The following AGBL4 variants were observed in gnomAD, a reference collection of about 807,000 sequenced individuals.
The protein encoded by AGBL4 is AGBL carboxypeptidase 4, also known as cytosolic carboxypeptidase 6.
A neutral mutation model predicts 66.4 loss-of-function variants in AGBL4; 58 were observed. That is an observed-to-expected ratio of 0.87 (90% CI 0.71 to 1.09). The LOEUF is 1.09. AGBL4 is among the 50% of genes least tolerant of loss of function. The pLI is 0.00. For synonymous variants in AGBL4, 234 were observed against 222.9 expected (o/e 1.05, Z -0.44); for missense variants, 579 against 631.0 (o/e 0.92, Z 0.88).
intron 4 of AGBL4, among the ~76,000 whole-genome samples, chr1:49,069,012 G>C (rs2147930012): frequency 6.6e-6 from 1 of 152,176 alleles, no homozygotes; most frequent in East Asian, 1.9e-4. Flanking sequence ...TGTTTCTGTT[G>C]GCTGCATAAA....
At chr1:49,474,684 T>C (rs1432191614) in intron 3 of AGBL4, among the ~76,000 whole-genome samples, 2 of 152,016 alleles carry the variant, frequency 1.3e-5, no homozygotes, top group Non-Finnish European at 2.9e-5. Flanking sequence ...AAAATAGCTC[T>C]AGGGATATTT....
chr1:49,809,064 G>A (rs1460070046), intron 2 of AGBL4, among the ~76,000 whole-genome samples: 1 of 152,138 alleles, frequency 6.6e-6, no homozygotes, highest in Non-Finnish European at 1.5e-5. Flanking sequence ...GGAGTTATGT[G>A]CTACCAATTG....
chr1:49,275,096 A>G (rs111385607), intron 3 of AGBL4, among the ~76,000 whole-genome samples: 1 of 152,188 alleles, frequency 6.6e-6, no homozygotes, highest in African/African-American at 2.4e-5. Flanking sequence ...TTGTCACAGG[A>G]CATAATTAAT....
intron 3 of AGBL4, among the ~76,000 whole-genome samples, chr1:49,369,717 G>T (rs544315129): frequency 6.6e-6 from 1 of 151,930 alleles, no homozygotes; most frequent in Admixed American, 6.6e-5. Flanking sequence ...CCAAAGATGA[G>T]GAAAAAAACA....
chr1:49,256,198 A>T (rs1164359530), intron 3 of AGBL4, among the ~76,000 whole-genome samples: 1 of 152,110 alleles, frequency 6.6e-6, no homozygotes, highest in Non-Finnish European at 1.5e-5. Flanking sequence ...TTTAAAAAAG[A>T]TAAATGTTTG....
At chr1:49,238,451 T>C (rs1455975473) in intron 4 of AGBL4, among the ~76,000 whole-genome samples, 3 of 152,214 alleles carry the variant, frequency 2.0e-5, no homozygotes, top group Non-Finnish European at 4.4e-5. Flanking sequence ...CTCTGTCTTC[T>C]GTACTCAGCT....
At chr1:50,020,358 C>T (rs1233357320) in intron 1 of AGBL4, among the ~76,000 whole-genome samples, 1 of 152,058 alleles carries the variant, frequency 6.6e-6, no homozygotes, top group Non-Finnish European at 1.5e-5. Flanking sequence ...TTGGACACTT[C>T]AAGTATATGA....
At chr1:49,978,756 G>C (rs939599168) in intron 1 of AGBL4, among the ~76,000 whole-genome samples, 1 of 152,066 alleles carries the variant, frequency 6.6e-6, no homozygotes, top group African/African-American at 2.4e-5. Context: ...ATGGGTAAAG[G>C]AATAGAAGAA....
intron 5 of AGBL4, among the ~76,000 whole-genome samples, chr1:49,037,141 T>A (rs531372668): frequency 2.0e-3 from 300 of 152,226 alleles, no homozygotes; most frequent in Middle Eastern, 0.01. Context: ...ATTAATATAT[T>A]TGCTAAGTTT....
chr1:49,582,603 C>T (rs1240052422), intron 3 of AGBL4, among the ~76,000 whole-genome samples: 1 of 152,204 alleles, frequency 6.6e-6, no homozygotes, highest in Non-Finnish European at 1.5e-5. Flanking sequence ...GAAGCTCATG[C>T]CCCACTCAAG....
At chr1:49,248,201 A>G (rs1651792417) in intron 3 of AGBL4, among the ~76,000 whole-genome samples, 1 of 152,224 alleles carries the variant, frequency 6.6e-6, no homozygotes, top group Non-Finnish European at 1.5e-5. Context: ...GATAATGGTA[A>G]CCACGAAAAT....
intron 4 of AGBL4, among the ~76,000 whole-genome samples, chr1:49,151,585 A>C (rs1320216763): frequency 6.6e-6 from 1 of 151,922 alleles, no homozygotes; most frequent in Non-Finnish European, 1.5e-5. Context: ...AAAAAAAAAA[A>C]AACCTGGTAA....
At chr1:48,938,579 G>T (rs1203883738) in intron 5 of AGBL4, among the ~76,000 whole-genome samples, 3 of 152,160 alleles carry the variant, frequency 2.0e-5, no homozygotes, top group Non-Finnish European at 4.4e-5. Flanking sequence ...GAACCCAGCA[G>T]CTGTGAAGGC....
intron 11 of AGBL4, among the ~76,000 whole-genome samples, chr1:48,546,293 T>G (rs1644158003): frequency 6.6e-6 from 1 of 152,262 alleles, no homozygotes; most frequent in Non-Finnish European, 1.5e-5. Context: ...CAGTGTCTTC[T>G]AACAGCGTGC....
chr1:48,543,356 G>A (rs1420472223), intron 11 of AGBL4, among the ~76,000 whole-genome samples: 3 of 151,856 alleles, frequency 2.0e-5, no homozygotes, highest in Admixed American at 1.3e-4. Context: ...AAGACACAGA[G>A]TGAGTAACAG....
intron 9 of AGBL4, among the ~76,000 whole-genome samples, chr1:48,620,895 A>C (rs1201848164): frequency 6.6e-6 from 1 of 152,040 alleles, no homozygotes; most frequent in Non-Finnish European, 1.5e-5. Flanking sequence ...CATTTTGCAG[A>C]TAGGGCTATG....
chr1:49,720,198 C>A (rs951478106), intron 2 of AGBL4, among the ~76,000 whole-genome samples: 1 of 151,856 alleles, frequency 6.6e-6, no homozygotes, highest in African/African-American at 2.4e-5. Flanking sequence ...ATCCAAAATC[C>A]AAAAAATGCT....
At chr1:49,217,002 G>T (rs999034594) in intron 4 of AGBL4, among the ~76,000 whole-genome samples, 1 of 152,070 alleles carries the variant, frequency 6.6e-6, no homozygotes, top group Non-Finnish European at 1.5e-5. Flanking sequence ...ACAGGGTTCT[G>T]CACTGTTGAC....
intron 3 of AGBL4, among the ~76,000 whole-genome samples, chr1:49,329,598 G>A (rs1471835264): frequency 2.0e-5 from 3 of 151,978 alleles, no homozygotes; most frequent in Admixed American, 2.0e-4. Flanking sequence ...CCCAGGAGGT[G>A]AAGTTTGCAG....
Sources: gnomAD v4.1 joint callset for allele counts (sites outside exome capture counted in the v4.1 genomes callset) on GRCh38, gnomAD v4.1.1 for gene constraint, MANE v1.5 for transcripts, NCBI Gene and HGNC (gene_info 2026-07-23, HGNC 2026-07-21) for gene names.